BRAF: variants seen among roughly 807,000 people sequenced by gnomAD.
BRAF encodes serine/threonine-protein kinase B-raf.
Under a neutral mutation model 104.6 loss-of-function variants are expected in BRAF, and 16 were observed. The observed-to-expected ratio is 0.15, with a 90% CI of 0.10 to 0.23. The LOEUF (loss-of-function observed/expected upper bound fraction) is 0.23. BRAF is among the 10% of genes least tolerant of loss of function. The pLI, the probability that BRAF is intolerant of heterozygous loss-of-function variation, is 1.00. For synonymous variants in BRAF, 310 were observed against 341.6 expected (o/e 0.91, Z 1.02); for missense variants, 541 against 937.3 (o/e 0.58, Z 5.52).
chr7:140,749,900 G>A (rs1586000440), intron 16 of BRAF, among the ~76,000 whole-genome samples: 1 of 152,312 alleles, frequency 6.6e-6, no homozygotes, highest in Non-Finnish European at 1.5e-5. Flanking sequence ...AATAATGGTA[G>A]AATTTCAGGA....
chr7:140,770,720 G>C (rs889027751), intron 14 of BRAF, among the ~76,000 whole-genome samples: 2 of 151,984 alleles, frequency 1.3e-5, no homozygotes, highest in African/African-American at 4.8e-5. Flanking sequence ...CAGATCACTT[G>C]AGGTCAGGAG....
At chr7:140,906,199 C>T (rs781271880) in intron 1 of BRAF, among the ~76,000 whole-genome samples, 6 of 151,758 alleles carry the variant, frequency 4.0e-5, no homozygotes, top group African/African-American at 1.5e-4. Context: ...ACCCGGCCTT[C>T]GCCTGTCATA....
chr7:140,765,505 A>C (rs1409881129), intron 14 of BRAF, among the ~76,000 whole-genome samples: 1 of 152,184 alleles, frequency 6.6e-6, no homozygotes, highest in Non-Finnish European at 1.5e-5. Context: ...CATCAGAGTG[A>C]ACAGGCAACC....
At chr7:140,799,942 G>A (rs1802910413) in intron 7 of BRAF, 1 of 367,328 alleles carries the variant, frequency 2.7e-6, no homozygotes, top group South Asian at 3.4e-5. Flanking sequence ...TTCTGAAATA[G>A]TCTATGTCAG....
At chr7:140,806,449 T>C (rs1029165006) in intron 5 of BRAF, among the ~76,000 whole-genome samples, 3 of 152,202 alleles carry the variant, frequency 2.0e-5, no homozygotes, top group Non-Finnish European at 4.4e-5. Context: ...TACTGGCAGG[T>C]ATCCAACTGA....
the BRAF span, among the ~76,000 whole-genome samples, chr7:140,714,135 A>C: frequency 1.3e-5 from 2 of 152,084 alleles, no homozygotes; most frequent in African/African-American, 4.8e-5. Context: ...TTCAAAGCTC[A>C]GTTGGAAATG....
chr7:140,716,136 AAAG>A (rs1308301979), downstream of BRAF, among the ~76,000 whole-genome samples: 23 of 152,358 alleles, frequency 1.5e-4, no homozygotes, highest in African/African-American at 4.8e-4. Flanking sequence ...TCTACATACT[AAAG>A]AAGAATGGCC....
intron 14 of BRAF, among the ~76,000 whole-genome samples, chr7:140,760,323 G>C (rs1255912449): frequency 6.6e-6 from 1 of 151,120 alleles, no homozygotes; most frequent in African/African-American, 2.4e-5. Context: ...TAAGGCAGGA[G>C]AATCACTTGA....
chr7:140,873,539 T>C (rs765325400), intron 1 of BRAF, among the ~76,000 whole-genome samples: 1 of 152,202 alleles, frequency 6.6e-6, no homozygotes, highest in Non-Finnish European at 1.5e-5. Flanking sequence ...CTCCCTCTGT[T>C]GGCATGTGTT....
intron 1 of BRAF, among the ~76,000 whole-genome samples, chr7:140,921,186 A>G (rs1386343957): frequency 6.6e-6 from 1 of 152,234 alleles, no homozygotes; most frequent in Non-Finnish European, 1.5e-5. Context: ...TCACTCTGGT[A>G]TCACACTTAA....
chr7:140,777,202 T>C, intron 13 of BRAF, 114 bp from the exon 13 acceptor site: 1 of 1,159,846 alleles, frequency 8.6e-7, no homozygotes, highest in Non-Finnish European at 1.2e-6. Context: ...GCTTTTTTTT[T>C]TTTAAAAAAG....
rs185742810 is a variant in BRAF at position 140,735,700 on chromosome 7, G to A, written c.2248-930C>T. Among the ~76,000 whole-genome samples, 246 of 151,806 alleles carry A rather than the reference G, an allele frequency of 1.6e-3. 3 individuals are homozygous for A. The highest frequency in any genetic ancestry group is 5.8e-3 in the African/African-American group (238 of 41,376). ...GCCTCCTGAGTAGCTGGGATTACAG[G>A]AGCGCACCACCATGCCCAGCTAAAT... On this transcript the variant is annotated intron_variant, in intron 18 of 19. Transcript: ENST00000644969.
chr7:140,800,544 A>G (rs1802989735), intron 6 of BRAF, 63 bp from the exon 7 acceptor site: 1 of 1,611,370 alleles, frequency 6.2e-7, no homozygotes. Context: ...ATACCAAAAT[A>G]CATAGTTAAC....
chr7:140,753,952 C>T, intron 15 of BRAF: 1 of 564,818 alleles, frequency 1.8e-6, no homozygotes, highest in South Asian at 2.0e-5. Context: ...CAATCAAAAA[C>T]TCCTACTATT....
intron 4 of BRAF, 56 bp downstream of exon 4, chr7:140,808,836 A>G (rs1586240540): frequency 1.4e-6 from 2 of 1,420,226 alleles, no homozygotes; most frequent in African/African-American, 1.4e-5. Context: ...AAAACTTCAA[A>G]GTTTAATGTG....
At chr7:140,766,202 A>G (rs1222602801) in intron 14 of BRAF, among the ~76,000 whole-genome samples, 2 of 151,704 alleles carry the variant, frequency 1.3e-5, no homozygotes, top group East Asian at 3.9e-4. Flanking sequence ...AAAAAACCAA[A>G]CACCGCATGT....
chr7:140,851,050 C>T (rs1415637889), intron 1 of BRAF, among the ~76,000 whole-genome samples: 1 of 152,096 alleles, frequency 6.6e-6, no homozygotes, highest in African/African-American at 2.4e-5. Flanking sequence ...AAATTAAGAG[C>T]AGGACCATAT....
intron 1 of BRAF, among the ~76,000 whole-genome samples, chr7:140,921,568 A>C (rs1818226200): frequency 6.6e-6 from 1 of 152,102 alleles, no homozygotes; most frequent in Admixed American, 6.6e-5. Flanking sequence ...TAATACGTAG[A>C]AATTTTTGCT....
intron 14 of BRAF, among the ~76,000 whole-genome samples, chr7:140,775,939 G>T: frequency 6.6e-6 from 1 of 152,174 alleles, no homozygotes; most frequent in East Asian, 1.9e-4. Flanking sequence ...AGTTGTAGGT[G>T]TTAGTACATA....
Sources: allele counts gnomAD v4.1 joint callset (sites outside exome capture counted in the v4.1 genomes callset), GRCh38; gene constraint gnomAD v4.1.1; transcripts MANE v1.5; gene names NCBI Gene and HGNC (gene_info 2026-07-23, HGNC 2026-07-21).